LRIF1: variants seen among roughly 807,000 people sequenced by gnomAD.
The protein encoded by LRIF1 is ligand-dependent nuclear receptor-interacting factor 1.
In LRIF1, 32 loss-of-function variants were observed where a neutral mutation model predicts 52.7. That is an observed-to-expected ratio of 0.61 (90% confidence interval 0.46 to 0.82). The LOEUF (loss-of-function observed/expected upper bound fraction) is 0.82. Ranked by LOEUF, LRIF1 falls within the 40% of genes least tolerant of loss-of-function variation. The pLI is 0.00. For missense variants in LRIF1, 887 were observed against 892.0 expected (o/e 0.99, Z 0.07); for synonymous variants, 323 against 317.4 (o/e 1.02, Z -0.19).
chr1:110,916,608 T>C, the LRIF1 span, among the ~76,000 whole-genome samples: 1 of 152,170 alleles, frequency 6.6e-6, no homozygotes, highest in African/African-American at 2.4e-5. Context: ...GTAAATATTC[T>C]AAATGTACAA....
At chr1:110,944,798 T>A (rs1658164444), downstream of LRIF1, 2 of 152,052 alleles carry the variant, frequency 1.3e-5, no homozygotes, top group Non-Finnish European at 2.9e-5. Context: ...AATACTGCTT[T>A]AGAAAAACCA....
the LRIF1 span, chr1:110,897,618 A>G: frequency 2.7e-5 from 13 of 479,842 alleles, no homozygotes; most frequent in African/African-American, 1.6e-4. Flanking sequence ...TAACACCACC[A>G]GAAAAGTCTG....
At chr1:110,958,850 G>T (rs754887186) in intron 1 of LRIF1, among the ~76,000 whole-genome samples, 9 of 152,084 alleles carry the variant, frequency 5.9e-5, no homozygotes, top group Non-Finnish European at 1.0e-4. Flanking sequence ...ATCCTACAAG[G>T]TATAATTTTT....
At chr1:110,933,534 G>A in the LRIF1 span, among the ~76,000 whole-genome samples, 1 of 152,220 alleles carries the variant, frequency 6.6e-6, no homozygotes, top group East Asian at 1.9e-4. Flanking sequence ...GGGCATCTCT[G>A]GGTGCTGAGG....
chr1:110,903,325 C>T, the LRIF1 span, among the ~76,000 whole-genome samples: 3 of 152,184 alleles, frequency 2.0e-5, no homozygotes, highest in African/African-American at 7.2e-5. Context: ...CACCCTTCCC[C>T]TAACCCCAGG....
chr1:110,962,623 C>T (rs1372389664), intron 1 of LRIF1, among the ~76,000 whole-genome samples: 1 of 152,150 alleles, frequency 6.6e-6, no homozygotes. Context: ...TACATTATTT[C>T]ATTCTCCTAA....
At chr1:110,938,202 C>T in the LRIF1 span, 3 of 152,126 alleles carry the variant, frequency 2.0e-5, no homozygotes, top group Non-Finnish European at 2.9e-5. Context: ...CTTCCAAACT[C>T]ATTCTATGAG....
At chr1:110,901,477 C>CTTTTTT in the LRIF1 span, among the ~76,000 whole-genome samples, 6 of 115,878 alleles carry the variant, frequency 5.2e-5, 1 homozygote, top group African/African-American at 6.3e-5. Context: ...CGCACCCGGC[C>CTTTTTT]TTTTTTTTTT....
In LRIF1 at chr1:110,956,772, A is replaced by ACTTCC. The variant is rs1658716940; in HGVS notation, c.69-3958_69-3957insGGAAG. Among the ~76,000 whole-genome samples the ACTTCC allele has an allele frequency of 2.0e-5, 3 of 152,234 alleles. No homozygotes were observed. The East Asian group carries it at 5.8e-4, about 29-fold the overall frequency. ...GGGAAGATGGTGAGCTAGATGGTGA[A>ACTTCC]CTAAGCGCCAAGTTCAGTGACAGGA... is the stretch of plus-strand genomic sequence containing the variant. On this transcript the variant is annotated intron_variant, in intron 1 of 3. Transcript: ENST00000369763.
At chr1:110,949,302 T>G (rs1279113145) in intron 3 of LRIF1, among the ~76,000 whole-genome samples, 1 of 151,992 alleles carries the variant, frequency 6.6e-6, no homozygotes, top group Non-Finnish European at 1.5e-5. Flanking sequence ...GTATTTTTAG[T>G]AGAGACGGGG....
chr1:110,899,645 C>T, the LRIF1 span: 1 of 163,354 alleles, frequency 6.1e-6, no homozygotes, highest in African/African-American at 2.4e-5. Context: ...ATTGTCACAA[C>T]CCTCTGTTTC....
In LRIF1 at chr1:110,951,534, T is replaced by C. The variant is rs200141750; in HGVS notation, c.1350A>G (p.Pro450=). The C allele has an allele frequency of 4.9e-4, 793 of 1,614,046 alleles. No individual in the cohort carries two copies. The highest frequency in any genetic ancestry group is 6.2e-4 in the Non-Finnish European group (730 of 1,180,020). Residue 450 remains proline, a synonymous_variant, in exon 2 of 4, where the codon CCA becomes CCG. Coordinates refer to ENST00000369763, the MANE Select transcript of LRIF1 (RefSeq NM_018372.4). The stretch of plus-strand genomic sequence containing the variant: ...TATGTGGATTTGTGGTAGAAGGAGA[T>C]GGTTTCTCCACTTTATTCTTCTCTG... ...LRAEKNKVEK[P]SPSTTNPHMN...
At position 110,952,281 on chromosome 1, in the gene LRIF1, C is replaced by A. The variant is rs1658514512; in HGVS notation, c.603G>T (p.Leu201Phe). 1.2e-6 allele frequency: 2 copies of A among 1,613,970 alleles called. No homozygotes were observed. The highest frequency in any genetic ancestry group is 1.7e-6 in the Non-Finnish European group (2 of 1,180,012). The change falls in exon 2 of 4, where the codon TTG (leucine) becomes TTT (phenylalanine). Residue 201 changes from leucine to phenylalanine, a missense_variant. By Grantham distance (22) the Leu-to-Phe change is conservative. Transcript: ENST00000369763. ...AEVKSVPASS[L>F]PPSVQQKILA... is the part of the protein sequence containing the mutation. ...GTATCTTTTGCTGCACTGAAGGAGG[C>A]AATGATGACGCTGGTACAGATTTCA...
At chr1:110,949,588 T>C (rs1307974840) in intron 3 of LRIF1, among the ~76,000 whole-genome samples, 1 of 151,810 alleles carries the variant, frequency 6.6e-6, no homozygotes, top group Admixed American at 6.6e-5. Flanking sequence ...CCCAGCTAAT[T>C]TTTGTATTTT....
At chr1:110,920,301 T>A in the LRIF1 span, among the ~76,000 whole-genome samples, 33 of 152,242 alleles carry the variant, frequency 2.2e-4, no homozygotes, top group East Asian at 6.2e-3. Context: ...AAGACATACT[T>A]CAGTAGATGA....
chr1:110,884,186 A>T, the LRIF1 span, among the ~76,000 whole-genome samples: 4 of 152,202 alleles, frequency 2.6e-5, no homozygotes, highest in East Asian at 5.8e-4. Context: ...CTTTAGTGAC[A>T]TTCCCACATT....
chr1:110,883,621 T>C, the LRIF1 span, among the ~76,000 whole-genome samples: 1 of 151,980 alleles, frequency 6.6e-6, no homozygotes, highest in East Asian at 1.9e-4. Context: ...ATAGAATCAG[T>C]ATTATTTCTG....
the LRIF1 span, among the ~76,000 whole-genome samples, chr1:110,932,302 G>T: frequency 6.6e-6 from 1 of 152,124 alleles, no homozygotes; most frequent in Non-Finnish European, 1.5e-5. Context: ...TAGATGTGTG[G>T]TGTTATTTCT....
chr1:110,894,798 C>T, the LRIF1 span, among the ~76,000 whole-genome samples: 2 of 152,190 alleles, frequency 1.3e-5, no homozygotes, highest in Non-Finnish European at 2.9e-5. Flanking sequence ...TCATGCTCAG[C>T]CTGTATGCCC....
Sources: gnomAD v4.1 joint callset for allele counts (sites outside exome capture counted in the v4.1 genomes callset) on GRCh38, gnomAD v4.1.1 for gene constraint, MANE v1.5 for transcripts, NCBI Gene and HGNC (gene_info 2026-07-23, HGNC 2026-07-21) for gene names.